Variants in TAFA5 observed in about 807,000 individuals in gnomAD.
TAFA5 encodes the protein TAFA chemokine like family member 5.
A neutral mutation model predicts 15.3 loss-of-function variants in TAFA5; 6 were observed. The ratio of observed to expected loss-of-function variants is 0.39; its 90% confidence interval spans 0.21 to 0.77. The LOEUF (loss-of-function observed/expected upper bound fraction) is 0.77, where lower values mean the gene tolerates loss of function less well. Among genes scored for constraint, TAFA5 ranks in the 30% least tolerant of loss-of-function variants. TAFA5 has a pLI of 0.41. For synonymous variants in TAFA5, 103 were observed against 80.7 expected, an observed-to-expected ratio of 1.28 and a Z score of -1.48; for missense variants, 161 against 193.1, an observed-to-expected ratio of 0.83 and a Z score of 0.98.
At chr22:48,522,800 G>A (rs1921650308) in intron 1 of TAFA5, among the ~76,000 whole-genome samples, 1 of 152,218 alleles carries the variant, frequency 6.6e-6, no homozygotes, top group African/African-American at 2.4e-5. Context: ...GAGCCCACAT[G>A]CCCCCAGGCT....
At chr22:48,736,715 C>G (rs376759080) in intron 3 of TAFA5, among the ~76,000 whole-genome samples, 1 of 152,184 alleles carries the variant, frequency 6.6e-6, no homozygotes, top group Non-Finnish European at 1.5e-5. Context: ...AACATGACGC[C>G]GAGTGAAGGA....
chr22:48,510,360 A>T (rs1408977058), intron 1 of TAFA5, among the ~76,000 whole-genome samples: 4 of 152,230 alleles, frequency 2.6e-5, no homozygotes. Context: ...AAAACCCCCA[A>T]ATAATCTCAT....
intron 2 of TAFA5, among the ~76,000 whole-genome samples, chr22:48,706,948 G>A (rs965581122): frequency 6.6e-6 from 1 of 152,226 alleles, no homozygotes; most frequent in Non-Finnish European, 1.5e-5. Context: ...GGCCTCCAGG[G>A]AAGAGAGAAA....
rs1930468087 is a variant in TAFA5 at position 48,750,845 on chromosome 22, AT to A, written c.*999del. On this transcript the variant is annotated 3_prime_UTR_variant, in exon 4 of 4. Transcript: ENST00000402357. Reference sequence around the variant, plus strand: ...TAAAGTTATATATTTAACAGTTTTTATATGTTGTATATTTGTAGAAAATCCT... The same window carrying A: ...TAAAGTTATATATTTAACAGTTTTTAATGTTGTATATTTGTAGAAAATCCT... 6.6e-6 allele frequency: 1 copy of A among 152,580 alleles called. No homozygotes were observed. The highest frequency in any genetic ancestry group is 2.4e-5 in the African/African-American group (1 of 41,474). The allele number at this position is 152,580 out of a possible 1,614,324, so 9.5% of individuals were successfully genotyped here.
chr22:48,741,852 C>T (rs1930189251), intron 3 of TAFA5, among the ~76,000 whole-genome samples: 2 of 152,370 alleles, frequency 1.3e-5, no homozygotes, highest in Middle Eastern at 6.8e-3. Flanking sequence ...AATAACACGG[C>T]AGCCTTCTGG....
At chr22:48,555,703 A>G (rs574913135) in intron 1 of TAFA5, among the ~76,000 whole-genome samples, 11 of 152,254 alleles carry the variant, frequency 7.2e-5, no homozygotes, top group African/African-American at 2.6e-4. Flanking sequence ...AGCAAGGCCC[A>G]GGGAAGAGGG....
chr22:48,717,591 T>C (rs973297846), intron 3 of TAFA5, among the ~76,000 whole-genome samples: 1 of 152,202 alleles, frequency 6.6e-6, no homozygotes, highest in Non-Finnish European at 1.5e-5. Flanking sequence ...GTGGGAACGT[T>C]GGAGAGCTGT....
chr22:48,592,846 C>T (rs1381442691), intron 1 of TAFA5, among the ~76,000 whole-genome samples: 1 of 152,072 alleles, frequency 6.6e-6, no homozygotes, highest in African/African-American at 2.4e-5. Context: ...CTGGAGCTTC[C>T]CTGGAATCCC....
rs749459789 is a variant in TAFA5, at chr22:48,552,354, G to A, written c.112+62650G>A. Among the ~76,000 whole-genome samples the A allele has an allele frequency of 6.6e-5, 10 of 152,158 alleles. No homozygotes were observed. The highest frequency in any genetic ancestry group is 1.3e-4 in the Non-Finnish European group (9 of 68,020). On this transcript the variant is annotated intron_variant, in intron 1 of 3. Coordinates refer to ENST00000402357, the MANE Select transcript of TAFA5 (RefSeq NM_001082967.3). The surrounding 1 kb of genome is among the most constrained non-coding windows in gnomAD (Gnocchi z 4.1). ...AGTGGCAGAAGTCTGATGGGCTGAA[G>A]CCCTCAGGAAACCTTCTCAGGGGGT...
intron 2 of TAFA5, among the ~76,000 whole-genome samples, chr22:48,664,526 C>A (rs867527957): frequency 4.6e-5 from 7 of 152,140 alleles, no homozygotes; most frequent in African/African-American, 1.7e-4. Context: ...TAAAGTGTAA[C>A]TTAAAAAAAT....
chr22:48,713,020 T>C (rs1315142749), intron 3 of TAFA5, among the ~76,000 whole-genome samples: 1 of 152,236 alleles, frequency 6.6e-6, no homozygotes, highest in Non-Finnish European at 1.5e-5. Context: ...CACGTTTTTG[T>C]AGTGTTTATG....
At chr22:48,718,308 G>C (rs1929465488) in intron 3 of TAFA5, among the ~76,000 whole-genome samples, 1 of 152,032 alleles carries the variant, frequency 6.6e-6, no homozygotes, top group African/African-American at 2.4e-5. Context: ...GCTGCTGGAG[G>C]AAGAAGGGGG....
At chr22:48,696,527 G>A (rs77771579) in intron 2 of TAFA5, among the ~76,000 whole-genome samples, 8,573 of 152,230 alleles carry the variant, frequency 0.056, 667 homozygotes, top group African/African-American at 0.18. Flanking sequence ...TCTTTGACCT[G>A]CAGGGGGGTC....
At position 48,750,781 on chromosome 22, in the gene TAFA5, C is replaced by T. The variant is rs1450017140; in HGVS notation, c.*934C>T. On this transcript the variant is annotated 3_prime_UTR_variant, in exon 4 of 4. Coordinates refer to ENST00000402357, the MANE Select transcript of TAFA5 (RefSeq NM_001082967.3). ...GAAAGCAAAGAAAACTCGAGTAACA[C>T]TTGTTTGAAAGAGATCATTAAATGT... is the stretch of plus-strand genomic sequence containing the variant. The T allele has an allele frequency of 3.3e-5, 5 of 152,714 alleles. No homozygotes were observed. Among genetic ancestry groups the T allele is most frequent in the Non-Finnish European group, 7.3e-5 (5 of 68,088 alleles). 9.5% of individuals were successfully genotyped at this position (152,714 alleles called of 1,614,324 possible). A position where few individuals can be genotyped will look rare whatever the true frequency, so the allele number is the denominator to read the frequency against.
intron 1 of TAFA5, among the ~76,000 whole-genome samples, chr22:48,617,443 G>A (rs548493510): frequency 1.3e-5 from 2 of 152,340 alleles, no homozygotes; most frequent in South Asian, 2.1e-4. Flanking sequence ...ATAAATGGGT[G>A]CTGTTTCGGG....
At chr22:48,711,898 G>A (rs867499293) in intron 3 of TAFA5, among the ~76,000 whole-genome samples, 3 of 152,182 alleles carry the variant, frequency 2.0e-5, no homozygotes, top group African/African-American at 7.2e-5. Flanking sequence ...TCTGTGTGGC[G>A]CCACCAGAGT....
chr22:48,581,834 G>A lies in TAFA5; in HGVS notation c.113-64763G>A, dbSNP rs982058745. Among the ~76,000 whole-genome samples, 4 of 152,268 alleles carry A rather than the reference G, an allele frequency of 2.6e-5. No homozygotes were observed. The South Asian group carries it at 8.3e-4, about 32-fold the overall frequency. Reference sequence around the variant, plus strand: ...TACAGCCCCTTCGTTAGGGAGCAGCGCACGCAGGCAGTGGTGTTCCTGTGT... The same window carrying A: ...TACAGCCCCTTCGTTAGGGAGCAGCACACGCAGGCAGTGGTGTTCCTGTGT... On this transcript the variant is annotated intron_variant, in intron 1 of 3. Coordinates refer to ENST00000402357, the MANE Select transcript of TAFA5 (RefSeq NM_001082967.3).
chr22:48,640,299 T>C (rs1926625144), intron 1 of TAFA5, among the ~76,000 whole-genome samples: 1 of 152,124 alleles, frequency 6.6e-6, no homozygotes, highest in African/African-American at 2.4e-5. Flanking sequence ...AGCTCAGAGC[T>C]GGCGTCTGAG....
rs1928093899 is a variant in TAFA5, at chr22:48,490,142, G to A, written c.112+438G>A. Among the ~76,000 whole-genome samples the A allele has an allele frequency of 6.6e-6, 1 of 152,118 alleles. No homozygotes were observed. The highest frequency in any genetic ancestry group is 2.4e-5 in the African/African-American group (1 of 41,434). ...AGCCCGGGACAAGGGGGGAGGCGGC[G>A]GCCGAGCCCGGAGAGGAGCTCTTCA... On this transcript the variant is annotated intron_variant, in intron 1 of 3. Coordinates refer to ENST00000402357, the MANE Select transcript of TAFA5 (RefSeq NM_001082967.3). The surrounding 1 kb of genome is among the most constrained non-coding windows in gnomAD (Gnocchi z 5.8).
Sources: allele counts gnomAD v4.1 joint callset (sites outside exome capture counted in the v4.1 genomes callset), GRCh38; gene constraint gnomAD v4.1.1; non-coding constraint Gnocchi (gnomAD v3.1); transcripts MANE v1.5; gene names NCBI Gene and HGNC (gene_info 2026-07-23, HGNC 2026-07-21).